Variants in ARHGAP33 observed in about 807,000 individuals in gnomAD.
The protein encoded by ARHGAP33 is rho GTPase-activating protein 33.
ARHGAP33 carries 57 observed loss-of-function variants against 126.2 expected under a neutral mutation model. The observed-to-expected ratio is 0.45, with a 90% confidence interval of 0.36 to 0.56. The LOEUF (loss-of-function observed/expected upper bound fraction) is 0.56. Among genes scored for constraint, ARHGAP33 ranks in the 20% least tolerant of loss-of-function variants. ARHGAP33 has a pLI of 0.00. For missense variants in ARHGAP33, 1,500 were observed against 1,748.3 expected (o/e 0.86, Z 2.53); for synonymous variants, 711 against 755.0 (o/e 0.94, Z 0.95).
Position 35,782,824 on chromosome 19 carries a change from T to A in ARHGAP33, c.1376T>A (p.Met459Lys). 1 of 1,613,980 alleles carries A rather than the reference T, an allele frequency of 6.2e-7. No individual in the cohort carries two copies. ...GCGAGACACAGTGCCAACACCAGCA[T>A]GCATGCCCGCAACCTGGCCATTGTC... Reference protein sequence around the residue: ...RMARHSANTSMHARNLAIVWA... With the variant: ...RMARHSANTSKHARNLAIVWA... The change falls in exon 15 of 21, where the codon ATG (methionine) becomes AAG (lysine). Residue 459 changes from methionine to lysine, a missense_variant. Around this residue, in one of 6 missense-constraint regions of ARHGAP33, gnomAD observed 281 missense variants for 413.7 expected, o/e 0.68. Transcript: ENST00000007510. The surrounding 1 kb of genome is among the most constrained non-coding windows in gnomAD (Gnocchi z 4.1).
In ARHGAP33 at chr19:35,788,001, C is replaced by G; in HGVS notation, c.3436C>G (p.Pro1146Ala). Residue 1146 changes from proline (P) to alanine (A), a missense_variant, in exon 21 of 21, where the codon CCC (proline) becomes GCC (alanine). By Grantham distance (27) the Pro-to-Ala change is conservative. Transcript: ENST00000007510. ...LSYPPAPSCF[P>A]PDHLGYSAPQ... ...CTACCCGCCAGCCCCCTCCTGCTTT[C>G]CCCCTGACCACCTTGGCTACTCAGC... 7.2e-7 allele frequency: 1 copy of G among 1,383,514 alleles called. No homozygotes were observed. The highest frequency in any genetic ancestry group is 9.7e-7 in the Non-Finnish European group (1 of 1,026,490). The allele number at this position is 1,383,514 out of a possible 1,614,324, so 85.7% of individuals were successfully genotyped here. A position where few individuals can be genotyped will look rare whatever the true frequency, so the allele number is the denominator to read the frequency against.
chr19:35,786,525 G>A lies in ARHGAP33; in HGVS notation c.2055G>A (p.Glu685=). Residue 685 remains glutamate, a synonymous_variant, in exon 20 of 21, where the codon GAG becomes GAA. Coordinates refer to ENST00000007510, the MANE Select transcript of ARHGAP33 (RefSeq NM_001366178.1). This position sits in a 1 kb window ranked among gnomAD's most constrained non-coding sequence, Gnocchi z 7.0. ...GCCTGTCCTCGTCCTCCTCCTCCGA[G>A]TCCTCCTCCTCTGAGTCCTCCTCTT... ...CESLSSSSSS[E]SSSSESSSSS... is the part of the protein sequence containing the mutation. 1 of 1,536,020 alleles carries A rather than the reference G, an allele frequency of 6.5e-7. No individual in the cohort carries two copies. The highest frequency in any genetic ancestry group is 8.7e-7 in the Non-Finnish European group (1 of 1,146,830).
At position 35,787,749 on chromosome 19, in the gene ARHGAP33, C is replaced by A; in HGVS notation, c.3184C>A (p.Pro1062Thr). The A allele has an allele frequency of 6.3e-7, 1 of 1,582,994 alleles. No homozygotes were observed. Among genetic ancestry groups the A allele is most frequent in the Non-Finnish European group, 8.5e-7 (1 of 1,170,062 alleles). Residue 1062 changes from proline (P) to threonine (T), a missense_variant, in exon 21 of 21, where the codon CCC becomes ACC. Around this residue, in one of 6 missense-constraint regions of ARHGAP33, gnomAD observed 642 missense variants for 634.0 expected, o/e 1.01. Transcript: ENST00000007510. ...LYPLGPPSFQ[P>T]SSPAPVWRSS... ...CCCCCTGGGCCCCCCATCCTTCCAGCCCAGTTCCCCAGCCCCAGTCTGGAG... is the reference window on the plus strand; with the variant it reads ...CCCCCTGGGCCCCCCATCCTTCCAGACCAGTTCCCCAGCCCCAGTCTGGAG...
intron 1 of ARHGAP33, among the ~76,000 whole-genome samples, chr19:35,777,189 T>C (rs1324654575): frequency 3.3e-5 from 5 of 152,078 alleles, no homozygotes; most frequent in Admixed American, 2.0e-4. Flanking sequence ...AGGGAGTCAT[T>C]GAAGGCCCAG....
chr19:35,780,402 C>T lies in ARHGAP33; in HGVS notation c.625-19C>T. On this transcript the variant is annotated intron_variant, in intron 7 of 20. Transcript: ENST00000007510. ...CCCTGCTCCTTCTGACCCTTCTCTT[C>T]CCACCCGCCCTCTCCCAGGTGGGAG... 1 of 1,600,466 alleles carries T rather than the reference C, an allele frequency of 6.2e-7. No individual in the cohort carries two copies. The highest frequency in any genetic ancestry group is 8.5e-7 in the Non-Finnish European group (1 of 1,171,044).
rs1162878083 is a variant in ARHGAP33, at chr19:35,787,919, C to T, written c.3354C>T (p.Ser1118=). ...TGCCCCCCGACAGGCTCAATGCCTCCTACGGCATGCTTGGCCAATCACCCC... is the reference window on the plus strand; with the variant it reads ...TGCCCCCCGACAGGCTCAATGCCTCTTACGGCATGCTTGGCCAATCACCCC... The part of the protein sequence containing the change: ...RSMPPDRLNA[S]YGMLGQSPPL... Residue 1118 remains serine, a synonymous_variant, in exon 21 of 21, where the codon TCC becomes TCT. Coordinates refer to ENST00000007510, the MANE Select transcript of ARHGAP33 (RefSeq NM_001366178.1). 2 of 1,606,458 alleles carry T rather than the reference C, an allele frequency of 1.2e-6. No individual in the cohort carries two copies. The highest frequency in any genetic ancestry group is 1.4e-5 in the African/African-American group (1 of 73,654).
At position 35,775,664 on chromosome 19, in the gene ARHGAP33, G is replaced by A. The variant is rs777821912; in HGVS notation, c.6G>A (p.Val2=). M[V]ARSTDSLDGP... is the part of the protein sequence containing the mutation. ...CCTGAGGAGGCTACGCGACCATGGT[G>A]GTAAGGGTCCCACGCGGCCGTCAGC... Residue 2 remains valine, a splice_region_variant and synonymous_variant, in exon 1 of 21, where the codon GTG becomes GTA. Coordinates refer to ENST00000007510, the MANE Select transcript of ARHGAP33 (RefSeq NM_001366178.1). 1 of 1,551,326 alleles carries A rather than the reference G, an allele frequency of 6.4e-7. No individual in the cohort carries two copies. The highest frequency in any genetic ancestry group is 8.7e-7 in the Non-Finnish European group (1 of 1,154,192).
rs1429915551 is a variant in ARHGAP33 at position 35,788,113 on chromosome 19, C to T, written c.3548C>T (p.Ser1183Phe). The change falls in exon 21 of 21, where the codon TCT becomes TTT. Residue 1183 changes from serine to phenylalanine, a missense_variant. Coordinates refer to ENST00000007510, the MANE Select transcript of ARHGAP33 (RefSeq NM_001366178.1). The stretch of plus-strand genomic sequence containing the variant: ...GGGCCCAGGGGTCCCTCACCTGCCT[C>T]TTCCTCCTCCTCTTCCCCTCCTGCC... Reference protein sequence around the residue: ...ALGPRGPSPASSSSSSPPAHP... With the variant: ...ALGPRGPSPAFSSSSSPPAHP... The T allele has an allele frequency of 6.2e-7, 1 of 1,611,908 alleles. No individual in the cohort carries two copies. Among genetic ancestry groups the T allele is most frequent in the East Asian group, 2.2e-5 (1 of 44,792 alleles).
In ARHGAP33 at chr19:35,785,420, G is replaced by C; in HGVS notation, c.1879G>C (p.Asp627His). The C allele has an allele frequency of 6.2e-7, 1 of 1,614,156 alleles. No individual in the cohort carries two copies. ...APPQPSGSRP[D>H]TVTLRSAKSE... ...TCCCTCTCCTGCAGGCAGCAGACCC[G>C]ACACCGTCACACTGAGATCTGCCAA... The change falls in exon 19 of 21, where the codon GAC becomes CAC. Residue 627 changes from aspartate to histidine, a missense_variant. Transcript: ENST00000007510.
chr19:35,784,459 C>T (rs1971983635), intron 16 of ARHGAP33, 142 bp downstream of exon 16: 2 of 1,405,390 alleles, frequency 1.4e-6, no homozygotes, highest in Middle Eastern at 2.7e-4. Flanking sequence ...CCGCCCCGGC[C>T]TCTCCCTCCC....
intron 2 of ARHGAP33, 23 bp from the exon 3 acceptor site, chr19:35,777,801 G>T (rs1221817339): frequency 6.2e-7 from 1 of 1,613,940 alleles, no homozygotes; most frequent in Non-Finnish European, 8.5e-7. Flanking sequence ...GGAGCTGCTG[G>T]TGACGCATCC....
chr19:35,786,245 G>C lies in ARHGAP33; in HGVS notation c.1943-168G>C. ...CAGCCACAGGGCCTTCGTGCTTTGG[G>C]CCGGAAGTGTCCTCTTCATGGTCTC... On this transcript the variant is annotated intron_variant, in intron 19 of 20. Transcript: ENST00000007510. The surrounding 1 kb of genome is among the most constrained non-coding windows in gnomAD (Gnocchi z 7.0). 1.4e-6 allele frequency: 2 copies of C among 1,424,828 alleles called. No homozygotes were observed. The highest frequency in any genetic ancestry group is 5.1e-5 in the East Asian group (2 of 39,510). 88.3% of individuals were successfully genotyped at this position (1,424,828 alleles called of 1,614,324 possible). A position where few individuals can be genotyped will look rare whatever the true frequency, so the allele number is the denominator to read the frequency against.
chr19:35,781,092 AC>A lies in ARHGAP33; in HGVS notation c.982+24del. On this transcript the variant is annotated intron_variant, in intron 11 of 20. Transcript: ENST00000007510. ...AGGATGGTGAGGCCGGGGCCCACCCACCCCACCCGTCACACCAGGGCTGCGG... is the reference window on the plus strand; with the variant it reads ...AGGATGGTGAGGCCGGGGCCCACCCACCCACCCGTCACACCAGGGCTGCGG... 2.7e-6 allele frequency: 1 copy of A among 371,054 alleles called. No homozygotes were observed. The highest frequency in any genetic ancestry group is 5.1e-6 in the Non-Finnish European group (1 of 195,526). The allele number at this position is 371,054 out of a possible 1,614,324, so 23.0% of individuals were successfully genotyped here.
intron 5 of ARHGAP33, among the ~76,000 whole-genome samples, 156 bp from the exon 6 acceptor site, chr19:35,778,876 A>C (rs533630374): frequency 4.6e-5 from 7 of 152,262 alleles, no homozygotes; most frequent in African/African-American, 1.7e-4. Flanking sequence ...CAGCCTGCTT[A>C]TTCATTCATA....
chr19:35,788,424 T>G lies in ARHGAP33; in HGVS notation c.3859T>G (p.Cys1287Gly). Reference protein sequence around the residue: ...LHSEGQTRSYC With the variant: ...LHSEGQTRSYG ...CTCTGAGGGCCAGACCCGAAGCTAC[T>G]GCTGAGCACCAGCTGGGAGGGGCCG... Residue 1287 changes from cysteine (C) to glycine (G), a missense_variant, in exon 21 of 21, where the codon TGC becomes GGC. Physicochemically the swap from Cys to Gly is radical, Grantham distance 159. Transcript: ENST00000007510. 1 of 1,553,134 alleles carries G rather than the reference T, an allele frequency of 6.4e-7. No individual in the cohort carries two copies. Among genetic ancestry groups the G allele is most frequent in the Non-Finnish European group, 8.7e-7 (1 of 1,148,606 alleles).
In ARHGAP33 at chr19:35,782,852, G is replaced by A; in HGVS notation, c.1404G>A (p.Trp468Ter). 6.2e-7 allele frequency: 1 copy of A among 1,612,936 alleles called. No homozygotes were observed. The highest frequency in any genetic ancestry group is 1.1e-5 in the South Asian group (1 of 90,818). ...SMHARNLAIV[W>*]APNLLRSMEL... ...ATGCCCGCAACCTGGCCATTGTCTG[G>A]GCACCCAACCTGCTACGGTGAGCTG... Residue 468 changes from tryptophan (W) to a stop codon, truncating the protein, a stop_gained, in exon 15 of 21, where the codon TGG (tryptophan) becomes TGA (stop). Coordinates refer to ENST00000007510, the MANE Select transcript of ARHGAP33 (RefSeq NM_001366178.1). LOFTEE classifies it high-confidence loss of function. This position sits in a 1 kb window ranked among gnomAD's most constrained non-coding sequence, Gnocchi z 4.1.
Position 35,779,112 on chromosome 19 carries a change from C to T in ARHGAP33, c.489C>T (p.Leu163=). ...VDSNLNCGPV[L]TWMELDNHGR... is the part of the protein sequence containing the mutation. ...GTAACCTCAACTGCGGGCCTGTGCT[C>T]ACCTGGATGGAGGTGGGCCTGGGCA... The change falls in exon 6 of 21, where the codon CTC becomes CTT. Residue 163 remains leucine, a synonymous_variant. Coordinates refer to ENST00000007510, the MANE Select transcript of ARHGAP33 (RefSeq NM_001366178.1). The T allele has an allele frequency of 6.4e-7, 1 of 1,551,586 alleles. No homozygotes were observed. The highest frequency in any genetic ancestry group is 8.7e-7 in the Non-Finnish European group (1 of 1,146,986).
rs778736257 is a variant in ARHGAP33 at position 35,782,884 on chromosome 19, C to T, written c.1421+15C>T. The T allele has an allele frequency of 8.2e-6, 13 of 1,594,994 alleles. No homozygotes were observed. Among genetic ancestry groups the T allele is most frequent in the East Asian group, 2.3e-5 (1 of 43,602 alleles). On this transcript the variant is annotated intron_variant, in intron 15 of 20. Transcript: ENST00000007510. The surrounding 1 kb of genome is among the most constrained non-coding windows in gnomAD (Gnocchi z 4.1). ...AACCTGCTACGGTGAGCTGCTTGCT[C>T]GCCTGCCTGCCCCTCAGGTCTTTCC...
At chr19:35,778,166 C>A (rs1971556013) in intron 3 of ARHGAP33, 114 bp from the exon 4 acceptor site, 2 of 1,099,022 alleles carry the variant, frequency 1.8e-6, no homozygotes, top group Non-Finnish European at 2.7e-6. Context: ...CATCACCAGG[C>A]CCTGTCCTCG....
Sources: allele counts gnomAD v4.1 joint callset (sites outside exome capture counted in the v4.1 genomes callset), GRCh38; gene constraint gnomAD v4.1.1; regional missense constraint gnomAD v4.1.1; non-coding constraint Gnocchi (gnomAD v3.1); transcripts MANE v1.5; gene names NCBI Gene and HGNC (gene_info 2026-07-23, HGNC 2026-07-21).